PAM: variants seen among roughly 807,000 people sequenced by gnomAD.
PAM encodes the protein peptidylglycine alpha-amidating monooxygenase.
PAM carries 72 observed loss-of-function variants against 122.1 expected under a neutral mutation model. That is an observed-to-expected ratio of 0.59 (90% CI 0.49 to 0.72). The LOEUF (loss-of-function observed/expected upper bound fraction) is 0.72. PAM is among the 30% of genes least tolerant of loss of function. The probability of loss-of-function intolerance (pLI) is 0.00; values close to 1 mark genes in which losing one functional copy is unlikely to be tolerated. For missense variants in PAM, 1,106 were observed against 1,183.7 expected (o/e 0.93, Z 0.96); for synonymous variants, 389 against 404.4 (o/e 0.96, Z 0.46).
intron 23 of PAM, 116 bp from the exon 24 acceptor site, chr5:103,025,015 C>A: frequency 1.4e-6 from 1 of 694,524 alleles, no homozygotes; most frequent in Non-Finnish European, 2.5e-6. Flanking sequence ...AACCCCTGTA[C>A]ACTGGAGTCA....
intron 14 of PAM, among the ~76,000 whole-genome samples, chr5:102,962,910 G>A (rs890877098): frequency 2.6e-5 from 4 of 151,384 alleles, no homozygotes; most frequent in East Asian, 1.9e-4. Flanking sequence ...ACTGGTCCCC[G>A]AGAATAATTC....
At chr5:102,961,765 TC>T (rs1243663447) in intron 14 of PAM, among the ~76,000 whole-genome samples, 5 of 151,942 alleles carry the variant, frequency 3.3e-5, no homozygotes, top group Admixed American at 3.3e-4. Flanking sequence ...AAAGCATCAT[TC>T]TTCCCCTGTT....
At chr5:102,861,634 G>A (rs747468409) in intron 1 of PAM, among the ~76,000 whole-genome samples, 2 of 152,076 alleles carry the variant, frequency 1.3e-5, no homozygotes, top group African/African-American at 2.4e-5. Context: ...TGGAACCTGA[G>A]GATTAGATGT....
At position 103,028,897 on chromosome 5, in the gene PAM, T is replaced by G; in HGVS notation, c.2754T>G (p.Ser918Arg). The change falls in exon 26 of 26, where the codon AGT becomes AGG. Residue 918 changes from serine (S) to arginine (R), a missense_variant. Ser to Arg is a moderately radical substitution (Grantham distance 110). Transcript: ENST00000438793. Reference protein sequence around the residue: ...RVLGRFRGKGSGGLNLGNFFA... With the variant: ...RVLGRFRGKGRGGLNLGNFFA... The stretch of plus-strand genomic sequence containing the variant: ...TTTGCTTTTTTTCAGGAAAGGGAAG[T>G]GGAGGCTTAAACCTTGGTAATTTCT... 1 of 1,605,004 alleles carries G rather than the reference T, an allele frequency of 6.2e-7. No individual in the cohort carries two copies. Among genetic ancestry groups the G allele is most frequent in the Non-Finnish European group, 8.5e-7 (1 of 1,176,932 alleles).
At chr5:102,830,497 T>C (rs79317134) in intron 1 of PAM, among the ~76,000 whole-genome samples, 93 of 152,314 alleles carry the variant, frequency 6.1e-4, no homozygotes, top group African/African-American at 2.1e-3. Context: ...TGTAACTGCT[T>C]GTTCATTCTT....
At chr5:102,968,795 T>C (rs1017613474) in intron 14 of PAM, among the ~76,000 whole-genome samples, 1 of 151,774 alleles carries the variant, frequency 6.6e-6, no homozygotes, top group African/African-American at 2.4e-5. Flanking sequence ...CACACATGCG[T>C]TTATTGCAGC....
intron 3 of PAM, 35 bp from the exon 4 acceptor site, chr5:102,901,321 G>A (rs759353560): frequency 7.9e-7 from 1 of 1,262,454 alleles, no homozygotes; most frequent in South Asian, 1.2e-5. Flanking sequence ...ACTAGCAACA[G>A]TTTAATTTGG....
chr5:102,781,374 T>C (rs914220756), intron 1 of PAM, among the ~76,000 whole-genome samples: 1 of 152,228 alleles, frequency 6.6e-6, no homozygotes, highest in Non-Finnish European at 1.5e-5. Flanking sequence ...TAAGAGTTCA[T>C]TGAATTCCTT....
chr5:102,808,451 CTGAA>C, intron 1 of PAM, among the ~76,000 whole-genome samples: 1 of 152,068 alleles, frequency 6.6e-6, no homozygotes, highest in East Asian at 1.9e-4. Context: ...ATAAAGAAAA[CTGAA>C]TGCACAGTGT....
intron 5 of PAM, among the ~76,000 whole-genome samples, chr5:102,924,342 A>G (rs2151707799): frequency 6.6e-6 from 1 of 151,180 alleles, no homozygotes; most frequent in East Asian, 2.0e-4. Context: ...CTGAGGCAGG[A>G]GAATCGCTTG....
At chr5:102,779,843 A>G (rs1014345576) in intron 1 of PAM, among the ~76,000 whole-genome samples, 1 of 144,544 alleles carries the variant, frequency 6.9e-6, no homozygotes, top group African/African-American at 2.6e-5. Context: ...CTATTGTGGG[A>G]CCTTGTGATC....
At chr5:102,960,657 C>T (rs1255209383) in intron 13 of PAM, among the ~76,000 whole-genome samples, 1 of 151,712 alleles carries the variant, frequency 6.6e-6, no homozygotes, top group Non-Finnish European at 1.5e-5. Flanking sequence ...CTTGTTTTAT[C>T]GCATGAAGTA....
chr5:102,885,690 T>C (rs529130068), intron 3 of PAM, among the ~76,000 whole-genome samples: 2 of 152,110 alleles, frequency 1.3e-5, no homozygotes, highest in African/African-American at 4.8e-5. Context: ...TAGTTTATAG[T>C]CAAGAGCAAA....
At chr5:103,020,195 T>C (rs954508358) in intron 23 of PAM, among the ~76,000 whole-genome samples, 9 of 152,156 alleles carry the variant, frequency 5.9e-5, no homozygotes, top group African/African-American at 1.7e-4. Context: ...ATTTGGCATA[T>C]TGGAAAAACC....
rs770731012 is a variant in PAM at position 103,005,198 on chromosome 5, A to T, written c.1775A>T (p.Tyr592Phe). The T allele has an allele frequency of 1.3e-6, 2 of 1,495,982 alleles. No homozygotes were observed. Among genetic ancestry groups the T allele is most frequent in the Admixed American group, 1.7e-5 (1 of 59,822 alleles). The allele number at this position is 1,495,982 out of a possible 1,614,324, so 92.7% of individuals were successfully genotyped here. Reference sequence around the variant, plus strand: ...TTGAGTATAGATAAAGATGGGAATTATTGGGTCACAGACGTGGCTCTCCAT... The same window carrying T: ...TTGAGTATAGATAAAGATGGGAATTTTTGGGTCACAGACGTGGCTCTCCAT... ...HGLSIDKDGN[Y>F]WVTDVALHQV... Residue 592 changes from tyrosine (Y) to phenylalanine (F), a missense_variant, in exon 18 of 26, where the codon TAT becomes TTT. Tyr to Phe is a conservative substitution (Grantham distance 22). Coordinates refer to ENST00000438793, the MANE Select transcript of PAM (RefSeq NM_001177306.2).
intron 1 of PAM, among the ~76,000 whole-genome samples, chr5:102,853,169 G>T (rs979271058): frequency 6.6e-6 from 1 of 152,168 alleles, no homozygotes; most frequent in African/African-American, 2.4e-5. Context: ...TATAGTACCT[G>T]TCAGTGCCAG....
At chr5:103,025,703 C>A (rs144019624) in intron 24 of PAM, among the ~76,000 whole-genome samples, 2 of 152,112 alleles carry the variant, frequency 1.3e-5, no homozygotes, top group Non-Finnish European at 2.9e-5. Flanking sequence ...GCCCAGTCCT[C>A]AAAGTACCTG....
intron 1 of PAM, among the ~76,000 whole-genome samples, chr5:102,860,345 A>C (rs965814260): frequency 6.6e-6 from 1 of 152,170 alleles, no homozygotes; most frequent in African/African-American, 2.4e-5. Flanking sequence ...ACAAAGAGGA[A>C]GGTCTTGTGC....
intron 3 of PAM, among the ~76,000 whole-genome samples, chr5:102,895,607 G>A (rs1436885575): frequency 6.6e-6 from 1 of 151,728 alleles, no homozygotes; most frequent in African/African-American, 2.4e-5. Context: ...AGACCACTTT[G>A]TTTTCTGATG....
Sources: allele counts gnomAD v4.1 joint callset (sites outside exome capture counted in the v4.1 genomes callset), GRCh38; gene constraint gnomAD v4.1.1; transcripts MANE v1.5; gene names NCBI Gene and HGNC (gene_info 2026-07-23, HGNC 2026-07-21).